VTI1A: variants seen among roughly 807,000 people sequenced by gnomAD.
VTI1A encodes the protein vesicle transport through interaction with t-SNAREs homolog 1A.
In VTI1A, 22 loss-of-function variants were observed where a neutral mutation model predicts 34.9. The ratio of observed to expected loss-of-function variants is 0.63; its 90% CI spans 0.45 to 0.90. The LOEUF (loss-of-function observed/expected upper bound fraction) is 0.90. Ranked by LOEUF, VTI1A falls within the 40% of genes least tolerant of loss-of-function variation. The probability of loss-of-function intolerance (pLI) is 0.00; values close to 1 mark genes in which losing one functional copy is unlikely to be tolerated. For missense variants in VTI1A, 268 were observed against 275.6 expected, an observed-to-expected ratio of 0.97 and a Z score of 0.20; for synonymous variants, 87 against 97.3, an observed-to-expected ratio of 0.89 and a Z score of 0.62.
chr10:112,655,433 A>G (rs944581622), intron 5 of VTI1A, among the ~76,000 whole-genome samples: 5 of 152,248 alleles, frequency 3.3e-5, no homozygotes, highest in Non-Finnish European at 7.4e-5. Context: ...ACAATCAAGG[A>G]TTAAACTCAC....
chr10:112,478,233 A>G (rs1200590676), intron 3 of VTI1A, among the ~76,000 whole-genome samples: 1 of 152,210 alleles, frequency 6.6e-6, no homozygotes, highest in Non-Finnish European at 1.5e-5. Flanking sequence ...AATAGTCAGA[A>G]AAGCCCAGGC....
intron 5 of VTI1A, among the ~76,000 whole-genome samples, chr10:112,593,617 T>TA (rs1313067127): frequency 6.6e-6 from 1 of 152,200 alleles, no homozygotes; most frequent in African/African-American, 2.4e-5. Context: ...AAATTACTCA[T>TA]AATCCCATCA....
chr10:112,771,738 T>C (rs1057463923), intron 7 of VTI1A, among the ~76,000 whole-genome samples: 1 of 152,178 alleles, frequency 6.6e-6, no homozygotes, highest in Non-Finnish European at 1.5e-5. Flanking sequence ...TATGCAACCA[T>C]GATTCTGTTT....
chr10:112,639,104 A>G (rs1564860859), intron 5 of VTI1A, among the ~76,000 whole-genome samples: 1 of 152,164 alleles, frequency 6.6e-6, no homozygotes, highest in Non-Finnish European at 1.5e-5. Flanking sequence ...CTCATGAGCA[A>G]CAGACAGAAA....
chr10:112,836,869 C>T, the VTI1A span, among the ~76,000 whole-genome samples: 1 of 152,316 alleles, frequency 6.6e-6, no homozygotes, highest in South Asian at 2.1e-4. Flanking sequence ...GTTTCTACCT[C>T]AAGGTAAATA....
At chr10:112,544,625 G>GA (rs112556669) in intron 5 of VTI1A, among the ~76,000 whole-genome samples, 2,831 of 139,508 alleles carry the variant, frequency 0.02, 89 homozygotes, top group African/African-American at 0.063. Flanking sequence ...CCCGCCTCCA[G>GA]AAAAAAAAAA....
chr10:112,742,465 T>C (rs905343110), intron 7 of VTI1A, among the ~76,000 whole-genome samples: 1 of 152,216 alleles, frequency 6.6e-6, no homozygotes, highest in Admixed American at 6.5e-5. Flanking sequence ...TGTGGTTGTA[T>C]CCCTAGGGCA....
chr10:112,478,490 A>T (rs1848353868), intron 3 of VTI1A, among the ~76,000 whole-genome samples: 1 of 152,218 alleles, frequency 6.6e-6, no homozygotes, highest in South Asian at 2.1e-4. Flanking sequence ...AATTTCTTAA[A>T]TATCCTGAAA....
At chr10:112,729,008 G>A (rs939083328) in intron 7 of VTI1A, among the ~76,000 whole-genome samples, 1 of 152,154 alleles carries the variant, frequency 6.6e-6, no homozygotes, top group Non-Finnish European at 1.5e-5. Flanking sequence ...TAACAACCAT[G>A]ATGCCTTTTA....
intron 7 of VTI1A, among the ~76,000 whole-genome samples, chr10:112,750,363 AT>A (rs36022209): frequency 7.4e-5 from 11 of 149,338 alleles, no homozygotes; most frequent in Admixed American, 4.0e-4. Context: ...TAATTTTGTA[AT>A]TTTTTTTTTG....
intron 5 of VTI1A, among the ~76,000 whole-genome samples, chr10:112,585,556 A>G (rs986002499): frequency 3.3e-5 from 5 of 151,974 alleles, no homozygotes; most frequent in Non-Finnish European, 2.9e-5. Context: ...TTCCTTTTCT[A>G]CTTCCCAGAA....
intron 7 of VTI1A, among the ~76,000 whole-genome samples, chr10:112,800,896 A>G (rs1158951999): frequency 6.6e-6 from 1 of 152,240 alleles, no homozygotes; most frequent in Non-Finnish European, 1.5e-5. Context: ...TCAGAGAAGG[A>G]ATGCAGTAAC....
At chr10:112,656,771 G>C (rs1847244559) in intron 5 of VTI1A, among the ~76,000 whole-genome samples, 1 of 151,916 alleles carries the variant, frequency 6.6e-6, no homozygotes. Flanking sequence ...CTTAAAACTT[G>C]ATCATCCTTG....
At chr10:112,522,094 C>T (rs1403145714) in intron 3 of VTI1A, among the ~76,000 whole-genome samples, 1 of 152,032 alleles carries the variant, frequency 6.6e-6, no homozygotes, top group Non-Finnish European at 1.5e-5. Context: ...AATTATATGA[C>T]TAACTAATCA....
rs1261935545 is a variant in VTI1A at position 112,816,667 on chromosome 10, A to G, written c.*1284A>G. ...GTCACAAAGCAGAATGTTTTTCTCAAGACTTCATAGGCACTTACTGGTCCG... is the reference window on the plus strand; with the variant it reads ...GTCACAAAGCAGAATGTTTTTCTCAGGACTTCATAGGCACTTACTGGTCCG... On this transcript the variant is annotated 3_prime_UTR_variant, in exon 8 of 8. Coordinates refer to ENST00000393077, the MANE Select transcript of VTI1A (RefSeq NM_145206.4). 1 of 227,022 alleles carries G rather than the reference A, an allele frequency of 4.4e-6. No individual in the cohort carries two copies. Among genetic ancestry groups the G allele is most frequent in the Non-Finnish European group, 8.8e-6 (1 of 114,248 alleles). 14.1% of individuals were successfully genotyped at this position (227,022 alleles called of 1,614,324 possible).
At chr10:112,851,639 T>C in the VTI1A span, among the ~76,000 whole-genome samples, 220 of 152,210 alleles carry the variant, frequency 1.4e-3, no homozygotes, top group African/African-American at 4.9e-3. Context: ...AACCAGAAAG[T>C]ATTGAAAACA....
At chr10:112,479,365 C>G (rs1387543140) in intron 3 of VTI1A, among the ~76,000 whole-genome samples, 2 of 151,620 alleles carry the variant, frequency 1.3e-5, no homozygotes. Context: ...TCTTGTTTCT[C>G]TCTCCCACCT....
chr10:112,559,031 C>A (rs1851629111), intron 5 of VTI1A, among the ~76,000 whole-genome samples: 1 of 152,152 alleles, frequency 6.6e-6, no homozygotes. Context: ...CTTGCTGTGC[C>A]AATGGGCGCT....
chr10:112,531,642 A>T (rs949432421), intron 4 of VTI1A, among the ~76,000 whole-genome samples: 1 of 152,320 alleles, frequency 6.6e-6, no homozygotes, highest in Non-Finnish European at 1.5e-5. Flanking sequence ...AGCATTTTTA[A>T]ACACTCATTG....
Sources: gnomAD v4.1 joint callset for allele counts (sites outside exome capture counted in the v4.1 genomes callset) on GRCh38, gnomAD v4.1.1 for gene constraint, MANE v1.5 for transcripts, NCBI Gene and HGNC (gene_info 2026-07-23, HGNC 2026-07-21) for gene names.